Variants in CADM2 observed in about 807,000 individuals in gnomAD.
CADM2 encodes the protein cell adhesion molecule 2, also known as immunoglobulin superfamily member 4D.
CADM2 carries 12 observed loss-of-function variants against 49.8 expected under a neutral mutation model. That is an observed-to-expected ratio of 0.24 (90% CI 0.15 to 0.39). The LOEUF is 0.39. Among genes scored for constraint, CADM2 ranks in the 10% least tolerant of loss-of-function variants. The pLI, the probability that CADM2 is intolerant of heterozygous loss-of-function variation, is 1.00. For synonymous variants in CADM2, 214 were observed against 175.4 expected (o/e 1.22, Z -1.74); for missense variants, 378 against 492.3 (o/e 0.77, Z 2.20).
chr3:86,013,700 T>C, intron 8 of CADM2: 2 of 1,600,512 alleles, frequency 1.2e-6, no homozygotes, highest in African/African-American at 1.3e-5. Flanking sequence ...ATGAATCTCA[T>C]AGCCTAAGAG....
intron 2 of CADM2, among the ~76,000 whole-genome samples, chr3:85,795,968 T>C (rs2071595413): frequency 6.6e-6 from 1 of 152,230 alleles, no homozygotes; most frequent in African/African-American, 2.4e-5. Flanking sequence ...CAGTGTCAGT[T>C]TGCCCATCTG....
intron 2 of CADM2, among the ~76,000 whole-genome samples, chr3:85,777,685 A>G (rs2070428209): frequency 6.6e-6 from 1 of 152,198 alleles, no homozygotes; most frequent in Non-Finnish European, 1.5e-5. Context: ...AATTCGGTTT[A>G]TGAAGAGATC....
intron 1 of CADM2, among the ~76,000 whole-genome samples, chr3:85,381,895 G>A (rs575630922): frequency 1.3e-5 from 2 of 152,040 alleles, no homozygotes; most frequent in African/African-American, 4.8e-5. Context: ...ATGCCAGTAT[G>A]TCAGAAAGGC....
intron 6 of CADM2, among the ~76,000 whole-genome samples, chr3:85,931,789 C>T (rs1720632101): frequency 6.6e-6 from 1 of 151,534 alleles, no homozygotes; most frequent in Non-Finnish European, 1.5e-5. Context: ...GGCTGGAATT[C>T]AAATAATAAA....
intron 1 of CADM2, among the ~76,000 whole-genome samples, chr3:85,330,735 T>C (rs2044895174): frequency 6.9e-6 from 1 of 145,148 alleles, no homozygotes; most frequent in Admixed American, 7.2e-5. Flanking sequence ...GGCAAGAGTG[T>C]GGCTTGAGGC....
At chr3:85,094,050 A>C (rs1238554835) in intron 1 of CADM2, among the ~76,000 whole-genome samples, 2 of 152,144 alleles carry the variant, frequency 1.3e-5, no homozygotes, top group Non-Finnish European at 2.9e-5. Context: ...TGAAATTGAA[A>C]TATAATGAGG....
intron 1 of CADM2, among the ~76,000 whole-genome samples, chr3:85,490,635 C>T (rs1010492202): frequency 6.6e-6 from 1 of 151,980 alleles, no homozygotes; most frequent in East Asian, 1.9e-4. Flanking sequence ...CAATTAATTC[C>T]AGTACTGCTT....
intron 2 of CADM2, among the ~76,000 whole-genome samples, chr3:85,752,049 AC>A (rs1253337205): frequency 1.3e-5 from 2 of 151,048 alleles, no homozygotes; most frequent in Admixed American, 6.6e-5. Flanking sequence ...GAGATGTTTA[AC>A]AAAGAAGTGG....
chr3:85,721,792 T>C (rs1176529753), intron 1 of CADM2, among the ~76,000 whole-genome samples: 1 of 152,360 alleles, frequency 6.6e-6, no homozygotes, highest in East Asian at 1.9e-4. Context: ...GCTCTTCTTT[T>C]CTTGTCTTCT....
At chr3:85,638,948 A>C (rs1194552471) in intron 1 of CADM2, among the ~76,000 whole-genome samples, 1 of 152,176 alleles carries the variant, frequency 6.6e-6, no homozygotes, top group Non-Finnish European at 1.5e-5. Context: ...GAAGAAGAAA[A>C]GAGACGAGTA....
chr3:85,050,377 A>G (rs1055407080), intron 1 of CADM2, among the ~76,000 whole-genome samples: 3 of 152,158 alleles, frequency 2.0e-5, no homozygotes, highest in African/African-American at 7.2e-5. Context: ...AAGTATATCA[A>G]TGAAAACTCC....
intron 1 of CADM2, among the ~76,000 whole-genome samples, chr3:85,692,624 T>G (rs987271708): frequency 2.0e-5 from 3 of 152,230 alleles, no homozygotes; most frequent in African/African-American, 7.2e-5. Flanking sequence ...TTTTGAAGTT[T>G]GGTCTGCTAA....
chr3:86,017,960 C>A (rs1318323465), intron 8 of CADM2, among the ~76,000 whole-genome samples: 1 of 140,160 alleles, frequency 7.1e-6, no homozygotes, highest in African/African-American at 2.6e-5. Context: ...ATGTGCCATG[C>A]TGGTGCGCTG....
At chr3:85,219,916 T>G (rs2107789560) in intron 1 of CADM2, among the ~76,000 whole-genome samples, 1 of 152,270 alleles carries the variant, frequency 6.6e-6, no homozygotes, top group Non-Finnish European at 1.5e-5. Context: ...ATCTTAAATT[T>G]ATTTTAAGCT....
chr3:85,748,780 A>T (rs2068737231), intron 2 of CADM2, among the ~76,000 whole-genome samples: 1 of 152,036 alleles, frequency 6.6e-6, no homozygotes, highest in African/African-American at 2.4e-5. Context: ...TATCTTTCTA[A>T]ACTGTAAGGA....
intron 1 of CADM2, among the ~76,000 whole-genome samples, chr3:85,008,419 C>T (rs1205363023): frequency 2.8e-4 from 42 of 152,098 alleles, no homozygotes; most frequent in Admixed American, 2.8e-3. Flanking sequence ...TGTATGTTAA[C>T]TTCCCATGGC....
intron 2 of CADM2, among the ~76,000 whole-genome samples, chr3:85,765,746 T>C (rs1215071312): frequency 6.6e-6 from 1 of 152,120 alleles, no homozygotes; most frequent in Non-Finnish European, 1.5e-5. Flanking sequence ...TCCTATTTCA[T>C]TGAGTCCACC....
intron 1 of CADM2, among the ~76,000 whole-genome samples, chr3:85,291,380 G>A (rs2043791945): frequency 6.6e-6 from 1 of 151,258 alleles, no homozygotes; most frequent in South Asian, 2.1e-4. Context: ...TATTATCCAT[G>A]AGAACTTCCC....
At chr3:85,833,475 TGGTA>T (rs2074271457) in intron 3 of CADM2, among the ~76,000 whole-genome samples, 1 of 151,756 alleles carries the variant, frequency 6.6e-6, no homozygotes, top group Non-Finnish European at 1.5e-5. Context: ...TCTTTTTGGT[TGGTA>T]GGTTTTTCAT....
Sources: allele counts gnomAD v4.1 joint callset (sites outside exome capture counted in the v4.1 genomes callset), GRCh38; gene constraint gnomAD v4.1.1; transcripts MANE v1.5; gene names NCBI Gene and HGNC (gene_info 2026-07-23, HGNC 2026-07-21).